RPL7A: variants seen among roughly 807,000 people sequenced by gnomAD.
RPL7A encodes large ribosomal subunit protein eL8.
For missense variants in RPL7A, 291 were observed against 338.2 expected (o/e 0.86, Z 1.09); for synonymous variants, 158 against 128.2 (o/e 1.23, Z -1.57).
chr9:133,348,815 C>T (rs2129981167), intron 1 of RPL7A, 107 bp from the exon 2 acceptor site: 2 of 1,565,578 alleles, frequency 1.3e-6, no homozygotes, highest in Non-Finnish European at 1.8e-6. Context: ...CAGCTTAGTT[C>T]AGGCAGGTGC....
At chr9:133,349,104 GGTTGT>G (rs2129983519) in intron 2 of RPL7A, 62 bp downstream of exon 2, 16 of 1,595,914 alleles carry the variant, frequency 1.0e-5, no homozygotes, top group Non-Finnish European at 1.3e-5. Context: ...GTGGTAATTG[GGTTGT>G]GTTGTATCTT....
At position 133,350,563 on chromosome 9, in the gene RPL7A, CAA is replaced by C. The variant is rs2129994673; in HGVS notation, c.496-31_496-30del. On this transcript the variant is annotated intron_variant, in intron 5 of 7. Transcript: ENST00000323345. The stretch of plus-strand genomic sequence containing the variant: ...CTAACTGAAATTTGCTGCTTTTGGT[CAA>C]AATACAGTCTTCAGCTAATGCTTTC... 4.0e-5 allele frequency: 65 copies of C among 1,614,158 alleles called. 1 individual carries two copies. In the African/African-American group the frequency reaches 6.7e-4, roughly 17 times the overall value.
At chr9:133,349,516 T>TCACCA in intron 2 of RPL7A, 35 bp from the exon 3 acceptor site, 1 of 1,613,952 alleles carries the variant, frequency 6.2e-7, no homozygotes, top group Non-Finnish European at 8.5e-7. Flanking sequence ...GACATGGAAT[T>TCACCA]TGAGCCTCAC....
chr9:133,350,814 T>C, intron 6 of RPL7A, 87 bp downstream of exon 6: 2 of 1,583,936 alleles, frequency 1.3e-6, no homozygotes, highest in South Asian at 1.1e-5. Flanking sequence ...AAGGCCAATC[T>C]TTTAGTTTAA....
rs2129987349 is a variant in RPL7A at position 133,349,600 on chromosome 9, C to T, written c.174C>T (p.Pro58=). 2.5e-6 allele frequency: 4 copies of T among 1,613,928 alleles called. No individual in the cohort carries two copies. Among genetic ancestry groups the T allele is most frequent in the Non-Finnish European group, 3.4e-6 (4 of 1,179,994 alleles). ...ACCTCACCCGCTTTGTGAAATGGCC[C>T]CGCTATATCAGGTTGCAGCGGCAGA... ...KRDLTRFVKW[P]RYIRLQRQRA... is the part of the protein sequence containing the mutation. The change falls in exon 3 of 8, where the codon CCC becomes CCT. Residue 58 remains proline, a synonymous_variant. Transcript: ENST00000323345.
At position 133,348,912 on chromosome 9, in the gene RPL7A, T is replaced by G; in HGVS notation, c.4-10T>G. On this transcript the variant is annotated splice_polypyrimidine_tract_variant and intron_variant, in intron 1 of 7. Coordinates refer to ENST00000323345, the MANE Select transcript of RPL7A (RefSeq NM_000972.3). ...GGCGGCGGTTTAACTGACGTTTTCT[T>G]TCTGCCCAGCCGAAAGGAAAGAAGG... is the stretch of plus-strand genomic sequence containing the variant. The G allele has an allele frequency of 6.2e-7, 1 of 1,613,758 alleles. No individual in the cohort carries two copies. Among genetic ancestry groups the G allele is most frequent in the Non-Finnish European group, 8.5e-7 (1 of 1,179,936 alleles).
rs2129982412 is a variant in RPL7A at position 133,348,952 on chromosome 9, G to A, written c.34G>A (p.Val12Met). 1.2e-6 allele frequency: 2 copies of A among 1,613,980 alleles called. No homozygotes were observed. Among genetic ancestry groups the A allele is most frequent in the South Asian group, 2.2e-5 (2 of 91,078 alleles). ...PKGKKAKGKK[V>M]APAPAVVKKQ... ...AGGAAAGAAGGCCAAGGGAAAGAAG[G>A]TGGCTCCGGCCCCAGCTGTCGTGAA... The change falls in exon 2 of 8, where the codon GTG becomes ATG. Residue 12 changes from valine (V) to methionine (M), a missense_variant. Physicochemically the swap from Val to Met is conservative, Grantham distance 21 (BLOSUM62 1). Coordinates refer to ENST00000323345, the MANE Select transcript of RPL7A (RefSeq NM_000972.3).
intron 1 of RPL7A, 27 bp downstream of exon 1, chr9:133,348,273 T>A: frequency 1.2e-6 from 2 of 1,614,054 alleles, no homozygotes; most frequent in Non-Finnish European, 1.7e-6. Context: ...TCCGTGGCAC[T>A]ATAGCCAGGT....
intron 7 of RPL7A, 34 bp from the exon 8 acceptor site, chr9:133,351,224 CAGTA>C (rs2129998719): frequency 1.6e-5 from 25 of 1,595,288 alleles, no homozygotes; most frequent in Non-Finnish European, 2.1e-5. Context: ...TCTCAGAAAA[CAGTA>C]AGCCAAGCTA....
At chr9:133,350,422 C>T in intron 5 of RPL7A, 103 bp downstream of exon 5, 2 of 1,487,498 alleles carry the variant, frequency 1.3e-6, no homozygotes, top group East Asian at 2.3e-5. Flanking sequence ...TGGGTGAGGG[C>T]AGTACTGACA....
intron 5 of RPL7A, 66 bp from the exon 6 acceptor site, chr9:133,350,531 T>C (rs2129994442): frequency 6.2e-7 from 1 of 1,613,138 alleles, no homozygotes; most frequent in Admixed American, 1.7e-5. Context: ...TGAGCAATTG[T>C]TACAAGCTAA....
At chr9:133,349,466 A>G (rs2129986321) in intron 2 of RPL7A, 85 bp from the exon 3 acceptor site, 1 of 1,529,786 alleles carries the variant, frequency 6.5e-7, no homozygotes. Context: ...AAGATCGCTG[A>G]TGCACCAACA....
chr9:133,348,249 G>A lies in RPL7A; in HGVS notation c.3+3G>A, dbSNP rs201133990. 2.7e-5 allele frequency: 44 copies of A among 1,613,982 alleles called. No individual in the cohort carries two copies. Among genetic ancestry groups the A allele is most frequent in the Middle Eastern group, 1.6e-4 (1 of 6,084 alleles). The stretch of plus-strand genomic sequence containing the variant: ...CTCTCCTCCCGCCGCCCAAGATGGT[G>A]AGTGAGCTGTAGTTCCGTGGCACTA... On this transcript the variant is annotated splice_donor_region_variant and intron_variant, in intron 1 of 7. Transcript: ENST00000323345.
chr9:133,350,995 C>T lies in RPL7A; in HGVS notation c.627-7C>T, dbSNP rs2129997569. 515 of 1,614,000 alleles carry T rather than the reference C, an allele frequency of 3.2e-4. 2 individuals carry two copies. In the African/African-American group the frequency reaches 6.3e-3, roughly 20 times the overall value. On this transcript the variant is annotated splice_polypyrimidine_tract_variant and splice_region_variant and intron_variant, in intron 6 of 7. Transcript: ENST00000323345. Reference sequence around the variant, plus strand: ...AACCCACTTTTGTTTCCCCTCCTGCCTTTTAGGGAAGACAAAGGCGCTTTG... The same window carrying T: ...AACCCACTTTTGTTTCCCCTCCTGCTTTTTAGGGAAGACAAAGGCGCTTTG...
intron 2 of RPL7A, chr9:133,349,340 T>C (rs2129984940): frequency 1.9e-5 from 16 of 839,874 alleles, no homozygotes; most frequent in Non-Finnish European, 2.9e-5. Flanking sequence ...TCGTGGCACC[T>C]TGGCTTCTTG....
chr9:133,348,325 G>T (rs2129978008), intron 1 of RPL7A, 79 bp downstream of exon 1: 10 of 1,594,812 alleles, frequency 6.3e-6, no homozygotes, highest in Non-Finnish European at 8.6e-6. Context: ...GCGCGGCCTC[G>T]GAGGGCCTCC....
At chr9:133,348,592 G>A in intron 1 of RPL7A, 1 of 600,198 alleles carries the variant, frequency 1.7e-6, no homozygotes. Context: ...CGAGTTCTGA[G>A]CCCGCCCCTG....
In RPL7A at chr9:133,350,330, C is replaced by G. The variant is rs2129992913; in HGVS notation, c.495+11C>G. ...GTGGATCCCATCGAGGTGCGTTTGC[C>G]TGTTGACTGCTAACCCAAGGGCTTC... On this transcript the variant is annotated intron_variant, in intron 5 of 7. Coordinates refer to ENST00000323345, the MANE Select transcript of RPL7A (RefSeq NM_000972.3). 5.6e-6 allele frequency: 9 copies of G among 1,613,630 alleles called. No individual in the cohort carries two copies. The highest frequency in any genetic ancestry group is 4.0e-5 in the African/African-American group (3 of 74,854).
Position 133,349,683 on chromosome 9 carries a change from C to T in RPL7A, c.257C>T (p.Ala86Val). The change falls in exon 3 of 8, where the codon GCC (alanine) becomes GTC (valine). Residue 86 changes from alanine (A) to valine (V), a missense_variant. Coordinates refer to ENST00000323345, the MANE Select transcript of RPL7A (RefSeq NM_000972.3). ...VPPAINQFTQ[A>V]LDRQTATQLL... is the part of the protein sequence containing the mutation. ...CCTGCGATTAACCAGTTCACCCAGGCCCTGGACCGCCAAACAGGTGAGGTT... is the reference window on the plus strand; with the variant it reads ...CCTGCGATTAACCAGTTCACCCAGGTCCTGGACCGCCAAACAGGTGAGGTT... 1 of 1,613,960 alleles carries T rather than the reference C, an allele frequency of 6.2e-7. No individual in the cohort carries two copies. Among genetic ancestry groups the T allele is most frequent in the South Asian group, 1.1e-5 (1 of 91,070 alleles).
Sources: allele counts gnomAD v4.1 joint callset, GRCh38; gene constraint gnomAD v4.1.1; transcripts MANE v1.5; gene names NCBI Gene and HGNC (gene_info 2026-07-23, HGNC 2026-07-21).